The following MYO7A variants were observed in gnomAD, a reference collection of about 807,000 sequenced individuals.
MYO7A encodes unconventional myosin-VIIa.
In MYO7A, 210 loss-of-function variants were observed where a neutral mutation model predicts 263.8. That is an observed-to-expected ratio of 0.80 (90% CI 0.71 to 0.89). The LOEUF (loss-of-function observed/expected upper bound fraction) is 0.89, where lower values mean the gene tolerates loss of function less well. Ranked by LOEUF, MYO7A falls within the 40% of genes least tolerant of loss-of-function variation. The pLI, the probability that MYO7A is intolerant of heterozygous loss-of-function variation, is 0.00. For missense variants in MYO7A, 2,820 were observed against 2,968.3 expected (o/e 0.95, Z 1.16); for synonymous variants, 1,239 against 1,197.3 (o/e 1.03, Z -0.72).
At chr11:77,203,261 G>T in intron 38 of MYO7A, 44 bp downstream of exon 38, 12 of 1,537,544 alleles carry the variant, frequency 7.8e-6, no homozygotes, top group Non-Finnish European at 9.7e-6. Context: ...CAGGGACCGG[G>T]CAGGGCCTTC....
At chr11:77,189,059 G>T (rs782725856) in intron 27 of MYO7A, among the ~76,000 whole-genome samples, 33 of 152,200 alleles carry the variant, frequency 2.2e-4, no homozygotes, top group Non-Finnish European at 4.1e-4. Context: ...GGCTGCGGCT[G>T]CTGAGCCCAG....
intron 17 of MYO7A, 121 bp downstream of exon 17, chr11:77,175,035 A>G: frequency 2.3e-6 from 3 of 1,294,336 alleles, no homozygotes; most frequent in African/African-American, 2.9e-5. Flanking sequence ...TCTCAGGTGC[A>G]GCACGGAAAA....
At chr11:77,157,101 C>T in intron 7 of MYO7A, 97 bp downstream of exon 7, 1 of 1,521,864 alleles carries the variant, frequency 6.6e-7, no homozygotes, top group Non-Finnish European at 8.9e-7. Context: ...GTATTGCTCC[C>T]CCACCTGCCC....
At chr11:77,157,470 T>A in intron 8 of MYO7A, 78 bp downstream of exon 8, 1 of 979,668 alleles carries the variant, frequency 1.0e-6, no homozygotes, top group Non-Finnish European at 1.5e-6. Flanking sequence ...AGACTCAGCC[T>A]TGAGGTCTCA....
In MYO7A at chr11:77,172,830, C is replaced by T; in HGVS notation, c.1880C>T (p.Ala627Val). Residue 627 changes from alanine (A) to valine (V), a missense_variant, in exon 16 of 49, where the codon GCC becomes GTC. Ala to Val is a moderately conservative substitution (Grantham distance 64). Transcript: ENST00000409709. ...SLELLMRTLG[A>V]CQPFFVRCIK... ...GAGCTGCTGATGCGCACGCTGGGTGCCTGCCAGCCCTTCTTTGTGCGATGC... is the reference window on the plus strand; with the variant it reads ...GAGCTGCTGATGCGCACGCTGGGTGTCTGCCAGCCCTTCTTTGTGCGATGC... 1 of 1,552,560 alleles carries T rather than the reference C, an allele frequency of 6.4e-7. No individual in the cohort carries two copies. The highest frequency in any genetic ancestry group is 2.4e-5 in the East Asian group (1 of 40,970).
At chr11:77,202,018 G>C (rs1042420653) in intron 36 of MYO7A, among the ~76,000 whole-genome samples, 7 of 152,166 alleles carry the variant, frequency 4.6e-5, no homozygotes, top group African/African-American at 1.7e-4. Flanking sequence ...CAGGCTCAGT[G>C]GACGAGGCAG....
intron 16 of MYO7A, among the ~76,000 whole-genome samples, chr11:77,173,872 ATGCAGGGGG>A (rs1954372002): frequency 6.6e-6 from 1 of 151,894 alleles, no homozygotes; most frequent in East Asian, 1.9e-4. Flanking sequence ...TCTCCCTCTA[ATGCAGGGGG>A]TGCAGGGGAC....
rs1957519037 is a variant in MYO7A, at chr11:77,207,372, A to G, written c.5826A>G (p.Gly1942=). Residue 1942 remains glycine, a synonymous_variant, in exon 42 of 49, where the codon GGA becomes GGG. Coordinates refer to ENST00000409709, the MANE Select transcript of MYO7A (RefSeq NM_000260.4). The stretch of plus-strand genomic sequence containing the variant: ...GGCTGCTCCTCAAGTCCTCAGAGGG[A>G]TTCAGCCTCTTTGTCAAAATTGCAG... ...ATRLLLKSSE[G]FSLFVKIADK... The G allele has an allele frequency of 7.4e-6, 12 of 1,611,252 alleles. No individual in the cohort carries two copies. Among genetic ancestry groups the G allele is most frequent in the Non-Finnish European group, 1.0e-5 (12 of 1,178,740 alleles).
At chr11:77,153,835 G>A (rs777082025) in intron 4 of MYO7A, among the ~76,000 whole-genome samples, 40 of 152,156 alleles carry the variant, frequency 2.6e-4, no homozygotes, top group Non-Finnish European at 4.7e-4. Flanking sequence ...AGGGGCCTCC[G>A]TCAGGGCCCT....
chr11:77,189,609 C>T lies in MYO7A; in HGVS notation c.3630+139C>T. The T allele has an allele frequency of 3.2e-6, 4 of 1,266,390 alleles. No homozygotes were observed. The South Asian group carries it at 5.7e-5, about 18-fold the overall frequency. The allele number at this position is 1,266,390 out of a possible 1,614,324, so 78.4% of individuals were successfully genotyped here. ...CCACTCCTTACTGAGCCCCATCTTC[C>T]TGGCACCCCCTCCTCTCAGGCAGCC... On this transcript the variant is annotated intron_variant, in intron 28 of 48. Transcript: ENST00000409709.
chr11:77,145,418 G>A (rs1256848628), intron 3 of MYO7A, among the ~76,000 whole-genome samples: 3 of 152,140 alleles, frequency 2.0e-5, no homozygotes, highest in African/African-American at 4.8e-5. Context: ...TCAGGGGTCC[G>A]GGGTCAGGCC....
intron 26 of MYO7A, among the ~76,000 whole-genome samples, chr11:77,183,454 C>T (rs111741701): frequency 6.6e-6 from 1 of 152,238 alleles, no homozygotes; most frequent in Non-Finnish European, 1.5e-5. Flanking sequence ...ACACTTCTAG[C>T]CGGGCACAGA....
chr11:77,208,907 C>A, intron 44 of MYO7A, 104 bp downstream of exon 44: 2 of 908,244 alleles, frequency 2.2e-6, no homozygotes, highest in South Asian at 1.5e-5. Context: ...GGGGCCCGTA[C>A]CAGCCTGGCC....
chr11:77,142,933 C>T lies in MYO7A; in HGVS notation c.132+111C>T. ...AGGAGATGGAGGCCATGCCCATGCC[C>T]CCACTTCTGCCTCTCAGATGCCCCC... On this transcript the variant is annotated intron_variant, in intron 3 of 48. Transcript: ENST00000409709. 12 of 858,806 alleles carry T rather than the reference C, an allele frequency of 1.4e-5. No homozygotes were observed. The South Asian group carries it at 1.7e-4, about 12-fold the overall frequency. The allele number at this position is 858,806 out of a possible 1,614,324, so 53.2% of individuals were successfully genotyped here.
At chr11:77,130,117 G>A (rs1285976326) in intron 1 of MYO7A, among the ~76,000 whole-genome samples, 1 of 152,278 alleles carries the variant, frequency 6.6e-6, no homozygotes, top group Non-Finnish European at 1.5e-5. Context: ...GTTTCAGGCA[G>A]GGTGTGCTGT....
intron 3 of MYO7A, among the ~76,000 whole-genome samples, chr11:77,146,496 G>T (rs1463952079): frequency 1.3e-5 from 2 of 152,206 alleles, no homozygotes; most frequent in African/African-American, 4.8e-5. Flanking sequence ...TGGCAAGGAG[G>T]GTACTGCCCA....
intron 31 of MYO7A, among the ~76,000 whole-genome samples, chr11:77,193,051 G>GGTGATGGTGTTGATGGTGGAGGTA: frequency 1.2e-5 from 1 of 84,478 alleles, no homozygotes; most frequent in East Asian, 3.2e-4. Context: ...TGGTGGAGGT[G>GGTGATGGTGTTGATGGTGGAGGTA]GTGATGGTGT....
chr11:77,173,910 G>T (rs919346408), intron 16 of MYO7A, among the ~76,000 whole-genome samples: 18 of 152,100 alleles, frequency 1.2e-4, no homozygotes, highest in South Asian at 8.3e-4. Context: ...GGGCAGTCGG[G>T]CACAGTCTTC....
chr11:77,134,879 G>A (rs1169785711), intron 2 of MYO7A, among the ~76,000 whole-genome samples: 1 of 149,904 alleles, frequency 6.7e-6, no homozygotes, highest in Non-Finnish European at 1.5e-5. Flanking sequence ...CTGCCTCCCA[G>A]GTTTAAGTGA....
Sources: allele counts gnomAD v4.1 joint callset (sites outside exome capture counted in the v4.1 genomes callset), GRCh38; gene constraint gnomAD v4.1.1; transcripts MANE v1.5; gene names NCBI Gene and HGNC (gene_info 2026-07-23, HGNC 2026-07-21).